Variants in CD22 observed in about 807,000 individuals in gnomAD.
The protein encoded by CD22 is CD22 molecule.
CD22 carries 51 observed loss-of-function variants against 94.7 expected under a neutral mutation model. The ratio of observed to expected loss-of-function variants is 0.54; its 90% CI spans 0.43 to 0.68. The LOEUF (loss-of-function observed/expected upper bound fraction) is 0.68. CD22 is among the 30% of genes least tolerant of loss of function. The probability of loss-of-function intolerance (pLI) is 0.00; values close to 1 mark genes in which losing one functional copy is unlikely to be tolerated. For synonymous variants in CD22, 424 were observed against 422.5 expected (o/e 1.00, Z -0.04); for missense variants, 931 against 1,060.4 (o/e 0.88, Z 1.69).
chr19:35,331,526 C>T (rs749586228), intron 1 of CD22, among the ~76,000 whole-genome samples: 1 of 152,126 alleles, frequency 6.6e-6, no homozygotes. Flanking sequence ...GCAGGGCTCT[C>T]AGTTTGAAGG....
At position 35,336,284 on chromosome 19, in the gene CD22, C is replaced by G. The variant is rs1478777647; in HGVS notation, c.661C>G (p.Leu221Val). Residue 221 changes from leucine to valine, a missense_variant, in exon 4 of 14, where the codon CTT becomes GTT. Leu to Val is a conservative substitution (Grantham distance 32). Transcript: ENST00000085219. ...CCATGGGAAGATTGTGACCTGCCAG[C>G]TTCAGGATGCAGATGGGAAGTTCCT... Reference protein sequence around the residue: ...SHHGKIVTCQLQDADGKFLSN... With the variant: ...SHHGKIVTCQVQDADGKFLSN... The G allele has an allele frequency of 6.2e-7, 1 of 1,614,230 alleles. No homozygotes were observed. The highest frequency in any genetic ancestry group is 1.1e-5 in the South Asian group (1 of 91,088).
Position 35,341,077 on chromosome 19 carries a change from C to T in CD22, c.1446C>T (p.Ile482=), listed in dbSNP as rs775643440. ...IQNVGWDNTT[I]ACAACNSWCS... ...ACGTTGGCTGGGACAACACAACCAT[C>T]GCCTGCGCAGCTTGTAATAGTTGGT... The change falls in exon 7 of 14, where the codon ATC becomes ATT. Residue 482 remains isoleucine (I), a synonymous_variant. Coordinates refer to ENST00000085219, the MANE Select transcript of CD22 (RefSeq NM_001771.4). This position sits in a 1 kb window ranked among gnomAD's most constrained non-coding sequence, Gnocchi z 4.0. 14 of 1,614,170 alleles carry T rather than the reference C, an allele frequency of 8.7e-6. No homozygotes were observed. Among genetic ancestry groups the T allele is most frequent in the South Asian group, 5.5e-5 (5 of 91,076 alleles).
intron 6 of CD22, among the ~76,000 whole-genome samples, chr19:35,339,593 C>T (rs537904615): frequency 2.6e-5 from 4 of 152,180 alleles, no homozygotes; most frequent in Non-Finnish European, 4.4e-5. Context: ...TGGTGGCTTA[C>T]GCCTGTAATC....
At chr19:35,335,991 G>A (rs530556016) in intron 3 of CD22, 45 bp from the exon 4 acceptor site, 24 of 1,551,068 alleles carry the variant, frequency 1.5e-5, no homozygotes, top group African/African-American at 2.7e-5. Flanking sequence ...GTACGCTCAC[G>A]TCCTCAGTCC....
In CD22 at chr19:35,346,797, T is replaced by C. The variant is rs1352902767; in HGVS notation, c.*100T>C. The C allele has an allele frequency of 1.4e-5, 15 of 1,040,712 alleles. No individual in the cohort carries two copies. Among genetic ancestry groups the C allele is most frequent in the Non-Finnish European group, 1.8e-5 (13 of 717,742 alleles). The allele number at this position is 1,040,712 out of a possible 1,614,324, so 64.5% of individuals were successfully genotyped here. The stretch of plus-strand genomic sequence containing the variant: ...CACATGGCTTCCTCCTGCGCGCATG[T>C]GCGCACACACACACACACACGCACA... On this transcript the variant is annotated 3_prime_UTR_variant, in exon 14 of 14. Coordinates refer to ENST00000085219, the MANE Select transcript of CD22 (RefSeq NM_001771.4).
chr19:35,336,534 C>G (rs1170572686), intron 4 of CD22, 193 bp downstream of exon 4: 1 of 587,388 alleles, frequency 1.7e-6, no homozygotes, highest in African/African-American at 1.9e-5. Flanking sequence ...ATAAAATGGT[C>G]CATCCTCAAG....
At chr19:35,344,129 G>A (rs2066862314) in intron 9 of CD22, among the ~76,000 whole-genome samples, 1 of 152,212 alleles carries the variant, frequency 6.6e-6, no homozygotes, top group Non-Finnish European at 1.5e-5. Context: ...CCGGGAGGCA[G>A]AGGTTGCAGT....
rs2066795231 is a variant in CD22 at position 35,340,729 on chromosome 19, C to T, written c.1250-152C>T. The T allele has an allele frequency of 4.9e-6, 4 of 822,400 alleles. No homozygotes were observed. The South Asian group carries it at 5.2e-5, about 11-fold the overall frequency. The allele number at this position is 822,400 out of a possible 1,614,324, so 50.9% of individuals were successfully genotyped here. ...AGCCAGGGCAGGGTTTCTGTTCTCA[C>T]ACAGATGCAGGAAGGACGCACAAGC... On this transcript the variant is annotated intron_variant, in intron 6 of 13. Coordinates refer to ENST00000085219, the MANE Select transcript of CD22 (RefSeq NM_001771.4).
At chr19:35,343,742 C>CA (rs74172719) in intron 9 of CD22, among the ~76,000 whole-genome samples, 14,468 of 151,438 alleles carry the variant, frequency 0.096, 757 homozygotes, top group African/African-American at 0.14. Context: ...CAAAAAATAC[C>CA]AAAAAAAATT....
chr19:35,341,855 A>G lies in CD22; in HGVS notation c.1925A>G (p.Gln642Arg). 2 of 1,614,146 alleles carry G rather than the reference A, an allele frequency of 1.2e-6. No individual in the cohort carries two copies. The highest frequency in any genetic ancestry group is 1.7e-6 in the Non-Finnish European group (2 of 1,180,038). ...AACCAAAGCCTCCCCTACCACAGCCAGAAGCTGAGATTGGAGCCGGTGAAG... is the reference window on the plus strand; with the variant it reads ...AACCAAAGCCTCCCCTACCACAGCCGGAAGCTGAGATTGGAGCCGGTGAAG... ...WNNQSLPYHS[Q>R]KLRLEPVKVQ... Residue 642 changes from glutamine (Q) to arginine (R), a missense_variant, in exon 9 of 14, where the codon CAG (glutamine) becomes CGG (arginine). Transcript: ENST00000085219. This position sits in a 1 kb window ranked among gnomAD's most constrained non-coding sequence, Gnocchi z 4.0.
Position 35,346,197 on chromosome 19 carries a change from G to A in CD22, c.2374G>A (p.Asp792Asn), listed in dbSNP as rs1207650044. ...GCAGAGACCTCCCCCGGACTGCGAT[G>A]ACACGGTCACTTATTCAGCATTGCA... ...EMQRPPPDCD[D>N]TVTYSALHKR... The change falls in exon 13 of 14, where the codon GAC becomes AAC. Residue 792 changes from aspartate (D) to asparagine (N), a missense_variant. By Grantham distance (23) the Asp-to-Asn change is conservative. Coordinates refer to ENST00000085219, the MANE Select transcript of CD22 (RefSeq NM_001771.4). The A allele has an allele frequency of 3.7e-6, 6 of 1,614,120 alleles. No individual in the cohort carries two copies. The highest frequency in any genetic ancestry group is 1.3e-5 in the African/African-American group (1 of 75,050).
chr19:35,345,818 G>A, intron 12 of CD22, 98 bp downstream of exon 12: 1 of 854,500 alleles, frequency 1.2e-6, no homozygotes, highest in Non-Finnish European at 2.0e-6. Context: ...CCCATGCCAG[G>A]CACCCTGATA....
intron 9 of CD22, 92 bp downstream of exon 9, chr19:35,342,057 T>TTCCTTCCTTCCTTCCTTC (rs1568490226): frequency 2.7e-5 from 20 of 752,856 alleles, no homozygotes; most frequent in Non-Finnish European, 3.5e-5. Context: ...TTCCTTCCTT[T>TTCCTTCCTTCCTTCCTTC]CTTTCTCTCT....
At position 35,346,593 on chromosome 19, in the gene CD22, T is replaced by C. The variant is rs771791232; in HGVS notation, c.2440T>C (p.Phe814Leu). 1.2e-6 allele frequency: 2 copies of C among 1,605,002 alleles called. No homozygotes were observed. The highest frequency in any genetic ancestry group is 1.7e-6 in the Non-Finnish European group (2 of 1,175,192). ...CGACTATGAGAACGTCATTCCAGAT[T>C]TTCCAGAAGATGAGGGGATTCATTA... ...VGDYENVIPD[F>L]PEDEGIHYSE... is the part of the protein sequence containing the mutation. Residue 814 changes from phenylalanine (F) to leucine (L), a missense_variant, in exon 14 of 14, where the codon TTT becomes CTT. Coordinates refer to ENST00000085219, the MANE Select transcript of CD22 (RefSeq NM_001771.4).
At chr19:35,342,091 CCCTCCTCCTCCTCT>C in intron 9 of CD22, 126 bp downstream of exon 9, 1 of 825,546 alleles carries the variant, frequency 1.2e-6, no homozygotes, top group Non-Finnish European at 1.9e-6. Flanking sequence ...CCTCTTCTTC[CCCTCCTCCTCCTCT>C]TCCTCCTTCT....
chr19:35,341,199 A>G lies in CD22; in HGVS notation c.1507+61A>G, dbSNP rs942567309. The G allele has an allele frequency of 1.4e-5, 22 of 1,608,734 alleles. No homozygotes were observed. The highest frequency in any genetic ancestry group is 1.9e-5 in the Non-Finnish European group (22 of 1,176,198). Reference sequence around the variant, plus strand: ...TGGCCCGGCTGGGATGAGGGGATGAAGGCAACGAGGCCGGAGCCTGGGCCA... The same window carrying G: ...TGGCCCGGCTGGGATGAGGGGATGAGGGCAACGAGGCCGGAGCCTGGGCCA... On this transcript the variant is annotated intron_variant, in intron 7 of 13. Transcript: ENST00000085219. The surrounding 1 kb of genome is among the most constrained non-coding windows in gnomAD (Gnocchi z 4.0).
In CD22 at chr19:35,332,849, G is replaced by T. The variant is rs1212476122; in HGVS notation, c.337G>T (p.Asp113Tyr). 5 of 1,614,212 alleles carry T rather than the reference G, an allele frequency of 3.1e-6. No individual in the cohort carries two copies. Among genetic ancestry groups the T allele is most frequent in the Non-Finnish European group, 3.4e-6 (4 of 1,180,026 alleles). ...TLSIHPVHLN[D>Y]SGQLGLRMES... Reference sequence around the variant, plus strand: ...GAGTATCCACCCGGTGCACCTCAATGACAGTGGTCAGCTGGGGCTGAGGAT... The same window carrying T: ...GAGTATCCACCCGGTGCACCTCAATTACAGTGGTCAGCTGGGGCTGAGGAT... The change falls in exon 3 of 14, where the codon GAC becomes TAC. Residue 113 changes from aspartate to tyrosine, a missense_variant. Transcript: ENST00000085219.
At chr19:35,331,797 A>C in intron 1 of CD22, 2 of 793,742 alleles carry the variant, frequency 2.5e-6, no homozygotes, top group East Asian at 3.5e-5. Context: ...CAGTGAGCGG[A>C]GATCACACCA....
intron 10 of CD22, 49 bp downstream of exon 10, chr19:35,344,974 C>T (rs903677542): frequency 1.3e-6 from 2 of 1,592,866 alleles, no homozygotes; most frequent in Admixed American, 3.3e-5. Flanking sequence ...TGGCAGAGGC[C>T]CGTGTCCAGT....
Sources: allele counts gnomAD v4.1 joint callset (sites outside exome capture counted in the v4.1 genomes callset), GRCh38; gene constraint gnomAD v4.1.1; non-coding constraint Gnocchi (gnomAD v3.1); transcripts MANE v1.5; gene names NCBI Gene and HGNC (gene_info 2026-07-23, HGNC 2026-07-21).